The following PPP3CA variants were observed in gnomAD, a reference collection of about 807,000 sequenced individuals.
PPP3CA encodes CAM-PRP catalytic subunit.
Under a neutral mutation model 66.5 loss-of-function variants are expected in PPP3CA, and 14 were observed. The observed-to-expected ratio is 0.21, with a 90% CI of 0.14 to 0.33. PPP3CA has a LOEUF of 0.33. PPP3CA is among the 10% of genes least tolerant of loss of function. The pLI is 1.00. For missense variants in PPP3CA, 317 were observed against 639.5 expected (o/e 0.50, Z 5.44); for synonymous variants, 232 against 226.2 (o/e 1.03, Z -0.23).
At chr4:101,192,993 A>T (rs1031009225) in intron 2 of PPP3CA, among the ~76,000 whole-genome samples, 3 of 152,230 alleles carry the variant, frequency 2.0e-5, no homozygotes, top group Non-Finnish European at 4.4e-5. Flanking sequence ...TGTCAAGGAA[A>T]TACTCATTTA....
At chr4:101,076,357 C>T (rs746651468) in intron 8 of PPP3CA, among the ~76,000 whole-genome samples, 1 of 151,180 alleles carries the variant, frequency 6.6e-6, no homozygotes, top group Non-Finnish European at 1.5e-5. Context: ...CTGCCTACCA[C>T]GTACAAGGCA....
At chr4:101,105,878 G>C (rs192820989) in intron 3 of PPP3CA, among the ~76,000 whole-genome samples, 6 of 152,118 alleles carry the variant, frequency 3.9e-5, no homozygotes, top group African/African-American at 1.2e-4. Context: ...ATAGTCTTGG[G>C]ATTTCCTCAC....
chr4:101,199,029 C>T (rs1578546959), intron 1 of PPP3CA, among the ~76,000 whole-genome samples: 1 of 152,088 alleles, frequency 6.6e-6, no homozygotes, highest in Non-Finnish European at 1.5e-5. Context: ...AGTAATGATG[C>T]CAAAGACTGA....
intron 2 of PPP3CA, among the ~76,000 whole-genome samples, chr4:101,132,776 C>T (rs773875475): frequency 6.6e-6 from 1 of 152,092 alleles, no homozygotes; most frequent in Non-Finnish European, 1.5e-5. Flanking sequence ...TGACACTAAA[C>T]GCTGGAAGAG....
At chr4:101,125,548 C>CT (rs1448392938) in intron 2 of PPP3CA, among the ~76,000 whole-genome samples, 5 of 152,092 alleles carry the variant, frequency 3.3e-5, no homozygotes, top group African/African-American at 1.2e-4. Flanking sequence ...CTCCCTCCTA[C>CT]TGGTAGGAGG....
chr4:101,218,708 T>C lies in PPP3CA; in HGVS notation c.59-22592A>G, dbSNP rs183440538. Reference sequence around the variant, plus strand: ...CCCGATAAGATAGGAACTCAAATAATATTTCAGTGGTGGGATAAACTGTAA... The same window carrying C: ...CCCGATAAGATAGGAACTCAAATAACATTTCAGTGGTGGGATAAACTGTAA... On this transcript the variant is annotated intron_variant, in intron 1 of 13. Coordinates refer to ENST00000394854, the MANE Select transcript of PPP3CA (RefSeq NM_000944.5). Among the ~76,000 whole-genome samples, 159 of 152,042 alleles carry C rather than the reference T, an allele frequency of 1.0e-3. 1 individual carries two copies. The highest frequency in any genetic ancestry group is 3.6e-3 in the African/African-American group (150 of 41,488).
At chr4:101,266,911 A>G (rs1727186129) in intron 1 of PPP3CA, among the ~76,000 whole-genome samples, 1 of 152,202 alleles carries the variant, frequency 6.6e-6, no homozygotes, top group South Asian at 2.1e-4. Context: ...AGAGAATGTG[A>G]CCAACTATTT....
At chr4:101,248,868 A>T (rs1168929121) in intron 1 of PPP3CA, among the ~76,000 whole-genome samples, 1 of 152,238 alleles carries the variant, frequency 6.6e-6, no homozygotes, top group African/African-American at 2.4e-5. Context: ...CACTTTAAAA[A>T]ACAAATTACT....
chr4:101,050,056 T>C (rs2110217269), intron 10 of PPP3CA, among the ~76,000 whole-genome samples: 1 of 152,200 alleles, frequency 6.6e-6, no homozygotes, highest in Middle Eastern at 3.4e-3. Flanking sequence ...AAGCACTAGG[T>C]TCTGGCCAGT....
intron 1 of PPP3CA, among the ~76,000 whole-genome samples, chr4:101,232,347 G>A (rs1725988847): frequency 6.6e-6 from 1 of 151,624 alleles, no homozygotes; most frequent in Non-Finnish European, 1.5e-5. Context: ...GGGACCAGAG[G>A]CACACATTTT....
intron 2 of PPP3CA, among the ~76,000 whole-genome samples, chr4:101,161,200 C>A (rs939828292): frequency 1.3e-5 from 2 of 152,098 alleles, no homozygotes; most frequent in Admixed American, 6.5e-5. Context: ...TATAAATAGA[C>A]CCTGTATCAG....
chr4:101,091,288 A>C (rs993111911), intron 6 of PPP3CA, among the ~76,000 whole-genome samples: 13 of 152,200 alleles, frequency 8.5e-5, no homozygotes, highest in Non-Finnish European at 1.9e-4. Flanking sequence ...GTACTTTAAC[A>C]ATGCCAACTT....
intron 2 of PPP3CA, among the ~76,000 whole-genome samples, chr4:101,191,046 G>T (rs1245194337): frequency 6.6e-6 from 1 of 152,148 alleles, no homozygotes; most frequent in Non-Finnish European, 1.5e-5. Context: ...TTAAGGCAAG[G>T]TCTTCAGCTT....
At chr4:101,194,503 A>T (rs1042376366) in intron 2 of PPP3CA, among the ~76,000 whole-genome samples, 1 of 152,206 alleles carries the variant, frequency 6.6e-6, no homozygotes, top group Non-Finnish European at 1.5e-5. Flanking sequence ...AAAACCTGTA[A>T]ATTAAGCAAA....
At position 101,107,178 on chromosome 4, in the gene PPP3CA, T is replaced by G. The variant is rs1730791198; in HGVS notation, c.384+1776A>C. ...AGCTAAAACTTACTTGTTCTTTGAT[T>G]CAGTCTTCCCAAAACATGTGTGCTC... On this transcript the variant is annotated intron_variant, in intron 3 of 13. Transcript: ENST00000394854. Among the ~76,000 whole-genome samples, 4 of 152,352 alleles carry G rather than the reference T, an allele frequency of 2.6e-5. No homozygotes were observed. The South Asian group carries it at 8.3e-4, about 32-fold the overall frequency.
chr4:101,089,021 C>T (rs1206010931), intron 6 of PPP3CA, among the ~76,000 whole-genome samples: 1 of 152,068 alleles, frequency 6.6e-6, no homozygotes, highest in Non-Finnish European at 1.5e-5. Flanking sequence ...GTAATTAAGC[C>T]CTTTCAGGCA....
At chr4:101,130,577 A>G (rs532948842) in intron 2 of PPP3CA, among the ~76,000 whole-genome samples, 1 of 152,206 alleles carries the variant, frequency 6.6e-6, no homozygotes, top group African/African-American at 2.4e-5. Context: ...ACAAGCCAGA[A>G]GAGAGTGGGG....
chr4:101,090,800 T>G (rs1200822972), intron 6 of PPP3CA, among the ~76,000 whole-genome samples: 2 of 151,268 alleles, frequency 1.3e-5, no homozygotes, highest in Non-Finnish European at 2.9e-5. Flanking sequence ...TACAAATATA[T>G]ACACACGTCT....
At chr4:101,106,390 AAAGAAAGAAAG>A (rs1560604731) in intron 3 of PPP3CA, among the ~76,000 whole-genome samples, 1 of 5,552 alleles carries the variant, frequency 1.8e-4, no homozygotes, top group African/African-American at 5.2e-4. Context: ...AGAAAGAAAG[AAAGAAAGAAAG>A]AAAGAAAGAA....
Sources: allele counts gnomAD v4.1 joint callset (sites outside exome capture counted in the v4.1 genomes callset), GRCh38; gene constraint gnomAD v4.1.1; transcripts MANE v1.5; gene names NCBI Gene and HGNC (gene_info 2026-07-23, HGNC 2026-07-21).